Variants in CELF4 observed in about 807,000 individuals in gnomAD.
CELF4 encodes CUG-BP- and ETR-3-like factor 4.
CELF4 carries 18 observed loss-of-function variants against 59.9 expected under a neutral mutation model. That is an observed-to-expected ratio of 0.30 (90% confidence interval 0.21 to 0.45). CELF4 has a LOEUF of 0.45. Among genes scored for constraint, CELF4 ranks in the 20% least tolerant of loss-of-function variants. The probability of loss-of-function intolerance (pLI) is 1.00; values close to 1 mark genes in which losing one functional copy is unlikely to be tolerated. For missense variants in CELF4, 456 were observed against 689.0 expected (o/e 0.66, Z 3.79); for synonymous variants, 261 against 267.1 (o/e 0.98, Z 0.22).
At chr18:37,426,963 TAA>T (rs550664681) in intron 2 of CELF4, among the ~76,000 whole-genome samples, 12 of 102,458 alleles carry the variant, frequency 1.2e-4, no homozygotes, top group Admixed American at 3.3e-4. Context: ...TTACAAGGAG[TAA>T]AAAAAAAAAA....
chr18:37,502,625 T>C (rs556885219), intron 1 of CELF4, among the ~76,000 whole-genome samples: 9 of 152,232 alleles, frequency 5.9e-5, no homozygotes, highest in East Asian at 3.9e-4. Context: ...CTGGGCACCA[T>C]TGGGGAGCAA....
chr18:37,514,812 T>TA (rs1335131897), intron 1 of CELF4, among the ~76,000 whole-genome samples: 28 of 152,092 alleles, frequency 1.8e-4, no homozygotes, highest in Admixed American at 8.5e-4. Flanking sequence ...ATGGGTTTAT[T>TA]AAAAAAATCA....
At chr18:37,266,448 C>T in intron 9 of CELF4, 85 bp downstream of exon 9, 5 of 1,329,826 alleles carry the variant, frequency 3.8e-6, no homozygotes, top group Non-Finnish European at 5.3e-6. Flanking sequence ...AGTGCTGGCC[C>T]CAGGCCTGAG....
chr18:37,470,887 T>TGTGTGAGAGAGAGAGAGAGAGAGAGA (rs1325788685), intron 2 of CELF4, among the ~76,000 whole-genome samples: 3 of 71,924 alleles, frequency 4.2e-5, no homozygotes, highest in African/African-American at 1.1e-4. Flanking sequence ...TGTGTGTGTG[T>TGTGTGAGAGAGAGAGAGAGAGAGAGA]GACAGAGAGA....
intron 2 of CELF4, among the ~76,000 whole-genome samples, chr18:37,422,808 T>A (rs1446443914): frequency 6.6e-6 from 1 of 152,154 alleles, no homozygotes; most frequent in Non-Finnish European, 1.5e-5. Flanking sequence ...CTACCCCCAC[T>A]CCTGATTTCT....
At chr18:37,307,305 G>A (rs539984310) in intron 3 of CELF4, among the ~76,000 whole-genome samples, 25 of 152,242 alleles carry the variant, frequency 1.6e-4, no homozygotes, top group East Asian at 1.6e-3. Context: ...CAATCAGCAC[G>A]CTCTGTGATG....
chr18:37,550,969 CATTGAA>C (rs1467511730), intron 1 of CELF4, among the ~76,000 whole-genome samples: 1 of 152,152 alleles, frequency 6.6e-6, no homozygotes, highest in Non-Finnish European at 1.5e-5. Context: ...AGGGGCAAGG[CATTGAA>C]ATGATAGGAA....
chr18:37,263,758 C>A (rs1311455826), intron 10 of CELF4, among the ~76,000 whole-genome samples: 2 of 152,078 alleles, frequency 1.3e-5, no homozygotes, highest in African/African-American at 4.8e-5. Context: ...TCCAGGATCA[C>A]CCCCTTCTTC....
intron 1 of CELF4, among the ~76,000 whole-genome samples, chr18:37,509,700 T>C (rs1251474743): frequency 6.6e-6 from 1 of 152,244 alleles, no homozygotes; most frequent in African/African-American, 2.4e-5. Context: ...TTGAAACATA[T>C]ACTTGTACAT....
intron 1 of CELF4, among the ~76,000 whole-genome samples, chr18:37,557,428 G>C (rs908627039): frequency 1.3e-5 from 2 of 152,198 alleles, no homozygotes; most frequent in African/African-American, 4.8e-5. Context: ...GTGCAGAAAG[G>C]ATTTTTTGTC....
At chr18:37,556,568 T>A (rs2099984872) in intron 1 of CELF4, among the ~76,000 whole-genome samples, 2 of 152,198 alleles carry the variant, frequency 1.3e-5, no homozygotes, top group South Asian at 4.1e-4. Flanking sequence ...ACCTCATTGC[T>A]GTGCATCTCT....
intron 2 of CELF4, among the ~76,000 whole-genome samples, chr18:37,377,798 C>G (rs564588550): frequency 1.1e-4 from 16 of 152,060 alleles, no homozygotes; most frequent in Non-Finnish European, 1.9e-4. Flanking sequence ...AGGATGCATT[C>G]GTTCTGGGGC....
intron 2 of CELF4, among the ~76,000 whole-genome samples, chr18:37,418,340 A>G (rs1454763040): frequency 2.0e-5 from 3 of 152,210 alleles, no homozygotes; most frequent in African/African-American, 4.8e-5. Flanking sequence ...GTAAACCACA[A>G]GCAGTCAGCA....
intron 2 of CELF4, among the ~76,000 whole-genome samples, chr18:37,362,177 A>T (rs2154560504): frequency 6.6e-6 from 1 of 152,262 alleles, no homozygotes; most frequent in South Asian, 2.1e-4. Flanking sequence ...CAGATCTTCA[A>T]CTTGGCGTCT....
At chr18:37,551,323 C>A (rs1467235676) in intron 1 of CELF4, among the ~76,000 whole-genome samples, 2 of 152,188 alleles carry the variant, frequency 1.3e-5, no homozygotes, top group East Asian at 1.9e-4. Context: ...GCCATGACTG[C>A]CCCCCTGGGC....
chr18:37,319,849 G>C (rs887990584), intron 3 of CELF4, among the ~76,000 whole-genome samples: 8 of 152,218 alleles, frequency 5.3e-5, no homozygotes, highest in Non-Finnish European at 1.0e-4. Context: ...AGGGACACTT[G>C]GGCCAGAGCC....
rs777610330 is a variant in CELF4, at chr18:37,274,699, T to C, written c.657+106A>G. ...TGTCTGAGGCCCGGAATAAGGGTCA[T>C]GCTTTCCTGTCTCTTGGGGAGACTG... On this transcript the variant is annotated intron_variant, in intron 5 of 12. Transcript: ENST00000420428. 4 of 1,499,506 alleles carry C rather than the reference T, an allele frequency of 2.7e-6. No individual in the cohort carries two copies. The South Asian group carries it at 5.1e-5, about 19-fold the overall frequency. 92.9% of individuals were successfully genotyped at this position (1,499,506 alleles called of 1,614,324 possible).
At chr18:37,503,806 C>T (rs974184471) in intron 1 of CELF4, among the ~76,000 whole-genome samples, 21 of 152,272 alleles carry the variant, frequency 1.4e-4, no homozygotes, top group Admixed American at 1.0e-3. Flanking sequence ...TACTGAGAGC[C>T]GCTTGAATGT....
chr18:37,388,795 C>T (rs1786808), intron 2 of CELF4, among the ~76,000 whole-genome samples: 125,862 of 152,092 alleles, frequency 0.83, 52,191 homozygotes, highest in East Asian at 0.93. Context: ...GTCTAAGCCC[C>T]GACACCCTCT....
Sources: allele counts gnomAD v4.1 joint callset (sites outside exome capture counted in the v4.1 genomes callset), GRCh38; gene constraint gnomAD v4.1.1; transcripts MANE v1.5; gene names NCBI Gene and HGNC (gene_info 2026-07-23, HGNC 2026-07-21).